STX7: variants seen among roughly 807,000 people sequenced by gnomAD.
The protein encoded by STX7 is syntaxin 7.
In STX7, 34 loss-of-function variants were observed where a neutral mutation model predicts 39.6. That is an observed-to-expected ratio of 0.86 (90% CI 0.65 to 1.14). The LOEUF is 1.14. Among genes scored for constraint, STX7 ranks in the 50% most tolerant of loss-of-function variants. The pLI, the probability that STX7 is intolerant of heterozygous loss-of-function variation, is 0.00. For synonymous variants in STX7, 119 were observed against 99.1 expected (o/e 1.20, Z -1.19); for missense variants, 284 against 310.4 (o/e 0.92, Z 0.64).
intron 2 of STX7, among the ~76,000 whole-genome samples, chr6:132,499,810 G>A (rs1775509385): frequency 6.6e-6 from 1 of 152,118 alleles, no homozygotes; most frequent in Non-Finnish European, 1.5e-5. Context: ...TGTATCTAAA[G>A]TAGATGTTTG....
At chr6:132,478,666 T>C (rs140912020) in intron 2 of STX7, among the ~76,000 whole-genome samples, 2 of 152,322 alleles carry the variant, frequency 1.3e-5, no homozygotes, top group East Asian at 3.9e-4. Flanking sequence ...TCATGATAAC[T>C]AGCAAAAGCT....
chr6:132,505,757 A>AAAAAAC (rs1775688346), intron 1 of STX7, among the ~76,000 whole-genome samples: 1 of 144,914 alleles, frequency 6.9e-6, no homozygotes, highest in Non-Finnish European at 1.5e-5. Context: ...AAAAAAAAAA[A>AAAAAAC]AAAAAAACAC....
At chr6:132,473,838 G>A (rs1420070493) in intron 3 of STX7, among the ~76,000 whole-genome samples, 2 of 151,744 alleles carry the variant, frequency 1.3e-5, no homozygotes, top group African/African-American at 4.8e-5. Flanking sequence ...ACTGACAAAG[G>A]GTAATTAAAA....
intron 7 of STX7, 30 bp downstream of exon 7, chr6:132,469,921 A>G (rs767976535): frequency 1.3e-6 from 2 of 1,533,472 alleles, no homozygotes; most frequent in African/African-American, 1.4e-5. Flanking sequence ...AGACCAGAGC[A>G]GCAGCCCAAG....
chr6:132,484,246 C>T (rs183934980), intron 2 of STX7, among the ~76,000 whole-genome samples: 5 of 152,264 alleles, frequency 3.3e-5, no homozygotes, highest in Admixed American at 2.6e-4. Context: ...CCTACACATC[C>T]GAAAAAGATG....
At chr6:132,490,349 T>C (rs945278560) in intron 2 of STX7, among the ~76,000 whole-genome samples, 7 of 152,186 alleles carry the variant, frequency 4.6e-5, no homozygotes, top group Admixed American at 1.3e-4. Flanking sequence ...TCATTTCTGA[T>C]CAGTTCTAAC....
chr6:132,503,403 A>G (rs1437068304), intron 2 of STX7, 43 bp downstream of exon 2: 1 of 1,523,742 alleles, frequency 6.6e-7, no homozygotes, highest in Admixed American at 1.7e-5. Flanking sequence ...AGTTCAGTTA[A>G]GAGTGGATAC....
intron 2 of STX7, among the ~76,000 whole-genome samples, chr6:132,501,873 C>A (rs929006836): frequency 6.6e-6 from 1 of 151,342 alleles, no homozygotes; most frequent in East Asian, 1.9e-4. Context: ...AGCAAGGGAG[C>A]CATTAAAAAA....
intron 8 of STX7, among the ~76,000 whole-genome samples, chr6:132,466,429 A>C (rs574352882): frequency 6.6e-6 from 1 of 152,318 alleles, no homozygotes; most frequent in African/African-American, 2.4e-5. Context: ...CCAGAAAATG[A>C]ATAAGCTTTG....
intron 3 of STX7, among the ~76,000 whole-genome samples, chr6:132,473,103 G>A (rs1191997653): frequency 1.3e-5 from 2 of 152,172 alleles, no homozygotes; most frequent in Non-Finnish European, 2.9e-5. Context: ...AGGATGCAAT[G>A]AGCTGAGATT....
At position 132,453,047 on chromosome 6, in the gene STX7, A is replaced by T. The variant is rs1025032270; in HGVS notation, c.*7711T>A. 1.2e-4 allele frequency: 19 copies of T among 152,256 alleles called. No individual in the cohort carries two copies. Among genetic ancestry groups the T allele is most frequent in the Admixed American group, 1.2e-3 (18 of 15,282 alleles). 9.4% of individuals were successfully genotyped at this position (152,256 alleles called of 1,614,324 possible). On this transcript the variant is annotated 3_prime_UTR_variant, in exon 10 of 10. Transcript: ENST00000367941. ...TCTAATGGAAAAGAATAGAAAACCCAGATATAGACCCACACGAATGTGCCC... is the reference window on the plus strand; with the variant it reads ...TCTAATGGAAAAGAATAGAAAACCCTGATATAGACCCACACGAATGTGCCC...
chr6:132,456,842 C>G lies in STX7; in HGVS notation c.*3916G>C, dbSNP rs1774255270. 6.6e-6 allele frequency: 1 copy of G among 152,282 alleles called. No homozygotes were observed. Among genetic ancestry groups the G allele is most frequent in the African/African-American group, 2.4e-5 (1 of 41,472 alleles). 9.4% of individuals were successfully genotyped at this position (152,282 alleles called of 1,614,324 possible). ...GGTAGACCAGAAACCACACTTCCCA[C>G]AAACTCCTTCTGTCTCTGGTTCTAA... is the stretch of plus-strand genomic sequence containing the variant. On this transcript the variant is annotated 3_prime_UTR_variant, in exon 10 of 10. Transcript: ENST00000367941.
At chr6:132,466,354 T>TGAA (rs1263670464) in intron 8 of STX7, among the ~76,000 whole-genome samples, 43 of 152,324 alleles carry the variant, frequency 2.8e-4, no homozygotes, top group Non-Finnish European at 4.0e-4. Flanking sequence ...CTTAGTCTTT[T>TGAA]TATTTGTTCT....
chr6:132,480,725 T>C lies in STX7; in HGVS notation c.86-5063A>G, dbSNP rs554243146. ...CAACAAGGACCCAGGGCTGAAAATCTGGGTTATCCCAAACAGCAGAGGTGC... is the reference window on the plus strand; with the variant it reads ...CAACAAGGACCCAGGGCTGAAAATCCGGGTTATCCCAAACAGCAGAGGTGC... On this transcript the variant is annotated intron_variant, in intron 2 of 9. Coordinates refer to ENST00000367941, the MANE Select transcript of STX7 (RefSeq NM_003569.3). Among the ~76,000 whole-genome samples the C allele has an allele frequency of 2.4e-4, 37 of 152,316 alleles. 1 individual carries two copies. The highest frequency in any genetic ancestry group is 2.0e-3 in the Admixed American group (31 of 15,294).
At chr6:132,485,094 A>ACTT (rs1775100411) in intron 2 of STX7, among the ~76,000 whole-genome samples, 1 of 152,204 alleles carries the variant, frequency 6.6e-6, no homozygotes, top group African/African-American at 2.4e-5. Flanking sequence ...GTACATCTGT[A>ACTT]AAACCATCAT....
intron 8 of STX7, among the ~76,000 whole-genome samples, chr6:132,465,544 C>T (rs1234377677): frequency 1.3e-5 from 2 of 152,204 alleles, no homozygotes; most frequent in African/African-American, 4.8e-5. Flanking sequence ...AAAGGATTAA[C>T]TGTGTTTCAC....
At chr6:132,497,426 C>A (rs1775444471) in intron 2 of STX7, among the ~76,000 whole-genome samples, 1 of 152,086 alleles carries the variant, frequency 6.6e-6, no homozygotes. Context: ...GGTGTAAGCA[C>A]AAGAAGGTTT....
At chr6:132,484,607 A>T (rs1009631002) in intron 2 of STX7, among the ~76,000 whole-genome samples, 1 of 152,208 alleles carries the variant, frequency 6.6e-6, no homozygotes, top group Admixed American at 6.5e-5. Flanking sequence ...AGCAGAAAAC[A>T]TCTGTTTTCA....
chr6:132,460,786 C>A lies in STX7; in HGVS notation c.758G>T (p.Ser253Ile). The A allele has an allele frequency of 6.2e-7, 1 of 1,613,554 alleles. No individual in the cohort carries two copies. Among genetic ancestry groups the A allele is most frequent in the South Asian group, 1.1e-5 (1 of 91,056 alleles). The change falls in exon 10 of 10, where the codon AGT (serine) becomes ATT (isoleucine). Residue 253 changes from serine to isoleucine, a missense_variant. Coordinates refer to ENST00000367941, the MANE Select transcript of STX7 (RefSeq NM_003569.3). Reference protein sequence around the residue: ...LILVIGVAIISLIIWGLNH With the variant: ...LILVIGVAIIILIIWGLNH The stretch of plus-strand genomic sequence containing the variant: ...GTGGTTCAATCCCCATATGATGAGA[C>A]TGATAATCGCAACTCCAATGACAAG...
Sources: allele counts gnomAD v4.1 joint callset (sites outside exome capture counted in the v4.1 genomes callset), GRCh38; gene constraint gnomAD v4.1.1; transcripts MANE v1.5; gene names NCBI Gene and HGNC (gene_info 2026-07-23, HGNC 2026-07-21).